The following CD72 variants were observed in gnomAD, a reference collection of about 807,000 sequenced individuals.
CD72 encodes the protein B-cell differentiation antigen CD72.
A neutral mutation model predicts 50.7 loss-of-function variants in CD72; 28 were observed. The observed-to-expected ratio is 0.55, with a 90% CI of 0.41 to 0.76. The LOEUF is 0.76. Ranked by LOEUF, CD72 falls within the 30% of genes least tolerant of loss-of-function variation. The pLI, the probability that CD72 is intolerant of heterozygous loss-of-function variation, is 0.00. For missense variants in CD72, 403 were observed against 420.6 expected (o/e 0.96, Z 0.37); for synonymous variants, 176 against 171.2 (o/e 1.03, Z -0.22).
upstream of CD72, among the ~76,000 whole-genome samples, chr9:35,624,357 A>T (rs185089164): frequency 7.9e-5 from 12 of 152,088 alleles, no homozygotes; most frequent in African/African-American, 2.9e-4. Flanking sequence ...CATCAGGATG[A>T]GTTTATCAAA....
intron 1 of CD72, among the ~76,000 whole-genome samples, chr9:35,634,888 G>A (rs1398132238): frequency 1.3e-5 from 2 of 152,262 alleles, no homozygotes; most frequent in South Asian, 4.1e-4. Flanking sequence ...GACATGGTTC[G>A]TTGCTCCCCA....
At chr9:35,633,415 A>T (rs573097077) in intron 1 of CD72, among the ~76,000 whole-genome samples, 2 of 152,242 alleles carry the variant, frequency 1.3e-5, no homozygotes, top group African/African-American at 4.8e-5. Flanking sequence ...TTTTGACAGT[A>T]TAATATATGA....
chr9:35,610,257 T>C lies in CD72; in HGVS notation c.*66A>G. 1 of 209,908 alleles carries C rather than the reference T, an allele frequency of 4.8e-6. No individual in the cohort carries two copies. Among genetic ancestry groups the C allele is most frequent in the Non-Finnish European group, 9.5e-6 (1 of 105,656 alleles). 13.0% of individuals were successfully genotyped at this position (209,908 alleles called of 1,614,324 possible). A position where few individuals can be genotyped will look rare whatever the true frequency, so the allele number is the denominator to read the frequency against. ...GAGATGGTCTGAGGAACCCCAGGCC[T>C]CAGGTTAGGAAGGAGGGGCACAGGT... On this transcript the variant is annotated 3_prime_UTR_variant, in exon 9 of 9. Transcript: ENST00000259633.
chr9:35,636,732 C>A (rs144754464), intron 1 of CD72, among the ~76,000 whole-genome samples: 18 of 152,088 alleles, frequency 1.2e-4, no homozygotes, highest in Non-Finnish European at 2.5e-4. Context: ...GGGTGGATCA[C>A]GAGGTCAGAA....
chr9:35,621,070 A>T (rs1823143562), upstream of CD72, among the ~76,000 whole-genome samples: 1 of 152,152 alleles, frequency 6.6e-6, no homozygotes, highest in African/African-American at 2.4e-5. Context: ...TACAGTTTTG[A>T]CATTCACATT....
At chr9:35,612,770 C>G in intron 6 of CD72, 78 bp downstream of exon 6, 1 of 1,359,248 alleles carries the variant, frequency 7.4e-7, no homozygotes. Flanking sequence ...CATGTGTGCA[C>G]TGCCATTCCT....
chr9:35,614,889 T>C (rs2131761314), intron 5 of CD72, among the ~76,000 whole-genome samples: 1 of 150,772 alleles, frequency 6.6e-6, no homozygotes, highest in African/African-American at 2.5e-5. Flanking sequence ...CCATGTTAGG[T>C]AGGGAGAGAA....
At chr9:35,618,441 C>G, upstream of CD72, 4 of 1,528,284 alleles carry the variant, frequency 2.6e-6, no homozygotes, top group Non-Finnish European at 3.5e-6. Flanking sequence ...CCTGTGACTT[C>G]CAGTCACAAA....
Position 35,618,377 on chromosome 9 carries a change from C to T in CD72, c.-74G>A. ...CTCCCTTGCCCCTCTCGTCTCTGTC[C>T]GTTTACAACTAGGCTCTGTGTTCCC... On this transcript the variant is annotated 5_prime_UTR_variant, in exon 1 of 9. Coordinates refer to ENST00000259633, the MANE Select transcript of CD72 (RefSeq NM_001782.3). The T allele has an allele frequency of 6.3e-6, 10 of 1,599,744 alleles. No individual in the cohort carries two copies. Among genetic ancestry groups the T allele is most frequent in the East Asian group, 2.3e-5 (1 of 44,386 alleles).
intron 1 of CD72, chr9:35,643,658 TAAGCTGCAAATA>T (rs1449367380): frequency 6.6e-6 from 1 of 151,980 alleles, no homozygotes; most frequent in Admixed American, 6.6e-5. Context: ...GAGTGATGAG[TAAGCTGCAAATA>T]AAGTCTGTAA....
chr9:35,627,723 A>T (rs1026653052), intron 1 of CD72, among the ~76,000 whole-genome samples: 10 of 152,218 alleles, frequency 6.6e-5, no homozygotes, highest in African/African-American at 1.9e-4. Flanking sequence ...TCTAGTGTGG[A>T]CAGAAGGGGA....
rs573325055 is a variant in CD72, at chr9:35,640,586, T to C, written n.408+5817A>G. Among the ~76,000 whole-genome samples, 70 of 152,326 alleles carry C rather than the reference T, an allele frequency of 4.6e-4. 1 individual carries two copies. The South Asian group carries it at 0.015, about 32-fold the overall frequency. On this transcript the variant is annotated intron_variant and non_coding_transcript_variant, in intron 1 of 3. Transcript: ENST00000465754. ...CCTTTAGCACGATCGGGAGTGGCAA[T>C]GGGAGTCTCACTGGGTCAGGAGCAC...
At chr9:35,639,086 G>C (rs1462153956) in intron 1 of CD72, among the ~76,000 whole-genome samples, 3 of 149,824 alleles carry the variant, frequency 2.0e-5, no homozygotes, top group Non-Finnish European at 4.4e-5. Context: ...ACAAAGATTT[G>C]ACACATTATT....
chr9:35,633,586 T>A (rs1823265712), intron 1 of CD72, among the ~76,000 whole-genome samples: 5 of 152,080 alleles, frequency 3.3e-5, no homozygotes. Context: ...ATCCTATGAG[T>A]TTTGACAAGT....
At chr9:35,620,501 G>T (rs1823137772), upstream of CD72, among the ~76,000 whole-genome samples, 1 of 151,872 alleles carries the variant, frequency 6.6e-6, no homozygotes, top group South Asian at 2.1e-4. Context: ...GAATACATGG[G>T]CTTGCTGCCT....
In CD72 at chr9:35,610,544, G is replaced by C. The variant is rs368336523; in HGVS notation, c.*22+58C>G. 9 of 819,354 alleles carry C rather than the reference G, an allele frequency of 1.1e-5. No homozygotes were observed. The African/African-American group carries it at 1.4e-4, about 12-fold the overall frequency. 50.8% of individuals were successfully genotyped at this position (819,354 alleles called of 1,614,324 possible). ...CCCTGGGCCCCTGCTCTGAGTCCCT[G>C]CTCTGAGTCCCTCTGCCCCTGGACT... On this transcript the variant is annotated intron_variant, in intron 8 of 8. Transcript: ENST00000259633.
intron 1 of CD72, among the ~76,000 whole-genome samples, chr9:35,624,946 C>G (rs1823182762): frequency 1.3e-5 from 2 of 152,202 alleles, no homozygotes; most frequent in Non-Finnish European, 2.9e-5. Flanking sequence ...GCTCCACTGA[C>G]TGGCTATTCC....
At chr9:35,612,285 GAT>G (rs1822998005) in intron 6 of CD72, among the ~76,000 whole-genome samples, 1 of 152,162 alleles carries the variant, frequency 6.6e-6, no homozygotes, top group Non-Finnish European at 1.5e-5. Flanking sequence ...GCTGAGATGA[GAT>G]ACACATTAAA....
chr9:35,616,075 G>C lies in CD72; in HGVS notation c.556C>G (p.Gln186Glu), dbSNP rs771971514. ...RAHQAAEGQL[Q>E]ACQADRQKTK... ...TTCTGTCTGTCTGCCTGGCAGGCCT[G>C]TAGCTGCCCTTCGGCCGCCTGATGA... is the stretch of plus-strand genomic sequence containing the variant. The change falls in exon 5 of 9, where the codon CAG becomes GAG. Residue 186 changes from glutamine (Q) to glutamate (E), a missense_variant. Physicochemically the swap from Gln to Glu is conservative, Grantham distance 29. Transcript: ENST00000259633. 2 of 1,614,132 alleles carry C rather than the reference G, an allele frequency of 1.2e-6. No individual in the cohort carries two copies. Among genetic ancestry groups the C allele is most frequent in the East Asian group, 4.5e-5 (2 of 44,870 alleles).
Sources: gnomAD v4.1 joint callset for allele counts (sites outside exome capture counted in the v4.1 genomes callset) on GRCh38, gnomAD v4.1.1 for gene constraint, MANE v1.5 for transcripts, NCBI Gene and HGNC (gene_info 2026-07-23, HGNC 2026-07-21) for gene names.